PCNX2: variants seen among roughly 807,000 people sequenced by gnomAD.
PCNX2 encodes pecanex 2, also known as pecanex-like protein 2.
PCNX2 carries 168 observed loss-of-function variants against 223.8 expected under a neutral mutation model. The ratio of observed to expected loss-of-function variants is 0.75; its 90% CI spans 0.66 to 0.85. The LOEUF (loss-of-function observed/expected upper bound fraction) is 0.85, where lower values mean the gene tolerates loss of function less well. Among genes scored for constraint, PCNX2 ranks in the 40% least tolerant of loss-of-function variants. PCNX2 has a pLI of 0.00. For synonymous variants in PCNX2, 1,006 were observed against 1,052.6 expected, an observed-to-expected ratio of 0.96 and a Z score of 0.86; for missense variants, 2,507 against 2,675.5, an observed-to-expected ratio of 0.94 and a Z score of 1.39.
At chr1:233,291,630 A>C in intron 1 of PCNX2, 6 of 511,972 alleles carry the variant, frequency 1.2e-5, no homozygotes, top group Middle Eastern at 9.7e-4. Context: ...AAAAAAAAAG[A>C]GGAAGAATGG....
At chr1:233,327,085 A>G in the PCNX2 span, among the ~76,000 whole-genome samples, 1 of 152,064 alleles carries the variant, frequency 6.6e-6, no homozygotes, top group Non-Finnish European at 1.5e-5. Flanking sequence ...GCACCGCGCT[A>G]CAATTTCTTC....
chr1:233,312,299 A>C, the PCNX2 span, among the ~76,000 whole-genome samples: 2 of 152,228 alleles, frequency 1.3e-5, no homozygotes, highest in Non-Finnish European at 2.9e-5. Flanking sequence ...AAACATCGTA[A>C]GAGAATACTT....
rs1671038658 is a variant in PCNX2, at chr1:233,025,213, T to C, written c.4538A>G (p.Asp1513Gly). Residue 1513 changes from aspartate (D) to glycine (G), a missense_variant, in exon 26 of 34, where the codon GAC becomes GGC. Asp to Gly is a moderately conservative substitution (Grantham distance 94, BLOSUM62 -1). Coordinates refer to ENST00000258229, the MANE Select transcript of PCNX2 (RefSeq NM_014801.4). Reference sequence around the variant, plus strand: ...CTGCAGCATGGTGGCCGCGTTGTTGTCCAGGATGCTGTAGCCCTCCAGGAT... The same window carrying C: ...CTGCAGCATGGTGGCCGCGTTGTTGCCCAGGATGCTGTAGCCCTCCAGGAT... The part of the protein sequence containing the change: ...QYILEGYSIL[D>G]NNAATMLQVF... 6.2e-7 allele frequency: 1 copy of C among 1,613,912 alleles called. No homozygotes were observed. Among genetic ancestry groups the C allele is most frequent in the African/African-American group, 1.3e-5 (1 of 74,932 alleles).
intron 15 of PCNX2, among the ~76,000 whole-genome samples, chr1:233,192,343 C>T (rs573209320): frequency 1.3e-5 from 2 of 152,186 alleles, no homozygotes; most frequent in South Asian, 2.1e-4. Flanking sequence ...CCAGTGTTGC[C>T]GGATCTTCAC....
chr1:233,025,466 T>G, intron 25 of PCNX2, 67 bp from the exon 26 acceptor site: 1 of 1,576,262 alleles, frequency 6.3e-7, no homozygotes, highest in Non-Finnish European at 8.6e-7. Flanking sequence ...TTCAACGGAT[T>G]TCCCCATGCC....
At chr1:233,014,574 T>C in intron 28 of PCNX2, 91 bp downstream of exon 28, 2 of 1,000,568 alleles carry the variant, frequency 2.0e-6, no homozygotes, top group South Asian at 2.9e-5. Flanking sequence ...TAAGTCCAGC[T>C]TCAAAATAAA....
chr1:232,996,837 C>T (rs1669889999), intron 32 of PCNX2, among the ~76,000 whole-genome samples: 1 of 152,240 alleles, frequency 6.6e-6, no homozygotes, highest in Admixed American at 6.5e-5. Flanking sequence ...AAATGAACAG[C>T]TTACCTTTAC....
chr1:233,066,424 T>A (rs561406950), intron 23 of PCNX2, among the ~76,000 whole-genome samples: 1 of 152,334 alleles, frequency 6.6e-6, no homozygotes. Context: ...TGCTGGCATC[T>A]CTGAGTTTTT....
intron 15 of PCNX2, among the ~76,000 whole-genome samples, chr1:233,182,985 C>T (rs1679888937): frequency 6.6e-6 from 1 of 152,190 alleles, no homozygotes; most frequent in Non-Finnish European, 1.5e-5. Flanking sequence ...GCATACACAT[C>T]TGCTAAGTCA....
chr1:233,200,794 G>A (rs1345000611), intron 13 of PCNX2, among the ~76,000 whole-genome samples: 1 of 151,896 alleles, frequency 6.6e-6, no homozygotes, highest in Non-Finnish European at 1.5e-5. Context: ...GGCCGAGGTG[G>A]GCGGATCACC....
intron 23 of PCNX2, among the ~76,000 whole-genome samples, chr1:233,069,864 A>G (rs2102901167): frequency 6.6e-6 from 1 of 152,290 alleles, no homozygotes; most frequent in Non-Finnish European, 1.5e-5. Context: ...AAGCAAGCAT[A>G]AGAAATGAAA....
rs1450171205 is a variant in PCNX2 at position 233,054,735 on chromosome 1, TACAA to T, written c.4136-256_4136-253del. 5.3e-5 allele frequency: 16 copies of T among 304,356 alleles called. No homozygotes were observed. The South Asian group carries it at 5.5e-4, about 11-fold the overall frequency. The allele number at this position is 304,356 out of a possible 1,614,324, so 18.9% of individuals were successfully genotyped here. A position where few individuals can be genotyped will look rare whatever the true frequency, so the allele number is the denominator to read the frequency against. ...TATATATATGTGCTATAATATATAA[TACAA>T]ACAATCATTGCTAGTATTATTTGTT... On this transcript the variant is annotated intron_variant, in intron 24 of 33. Coordinates refer to ENST00000258229, the MANE Select transcript of PCNX2 (RefSeq NM_014801.4).
At chr1:233,188,305 G>C (rs1438126972) in intron 15 of PCNX2, among the ~76,000 whole-genome samples, 1 of 152,082 alleles carries the variant, frequency 6.6e-6, no homozygotes, top group East Asian at 1.9e-4. Context: ...TGTCCACTGG[G>C]ACCTGTTCTA....
At chr1:233,179,023 C>A (rs1232756634) in intron 16 of PCNX2, 43 bp downstream of exon 16, 3 of 1,557,968 alleles carry the variant, frequency 1.9e-6, no homozygotes, top group Admixed American at 1.7e-5. Flanking sequence ...AGGAACTATG[C>A]CCCCAGCTCA....
intron 1 of PCNX2, among the ~76,000 whole-genome samples, chr1:233,283,169 G>A (rs1661275304): frequency 6.6e-6 from 1 of 152,158 alleles, no homozygotes; most frequent in Non-Finnish European, 1.5e-5. Flanking sequence ...TCTCACTGTG[G>A]GAGAAGGGAG....
chr1:233,081,618 C>T (rs559069170), intron 23 of PCNX2, among the ~76,000 whole-genome samples: 3 of 152,208 alleles, frequency 2.0e-5, no homozygotes, highest in Non-Finnish European at 2.9e-5. Context: ...CCACTCACCA[C>T]GCTTTCTTGC....
chr1:233,144,855 A>G (rs1170456882), intron 19 of PCNX2, among the ~76,000 whole-genome samples: 2 of 151,848 alleles, frequency 1.3e-5, no homozygotes, highest in African/African-American at 4.8e-5. Context: ...TCTTAATAGT[A>G]TCTTTTATAA....
At chr1:233,164,475 GAT>G (rs988115444) in intron 17 of PCNX2, among the ~76,000 whole-genome samples, 1 of 152,014 alleles carries the variant, frequency 6.6e-6, no homozygotes, top group Non-Finnish European at 1.5e-5. Context: ...ATGTTGAAGA[GAT>G]ATCTGCACTC....
chr1:233,116,984 A>G (rs1316050229), intron 21 of PCNX2, among the ~76,000 whole-genome samples: 1 of 152,220 alleles, frequency 6.6e-6, no homozygotes, highest in East Asian at 1.9e-4. Context: ...AGAAAGGGCA[A>G]TAAGGGAATA....
Sources: allele counts gnomAD v4.1 joint callset (sites outside exome capture counted in the v4.1 genomes callset), GRCh38; gene constraint gnomAD v4.1.1; transcripts MANE v1.5; gene names NCBI Gene and HGNC (gene_info 2026-07-23, HGNC 2026-07-21).